SYCP1: variants seen among roughly 807,000 people sequenced by gnomAD.
SYCP1 encodes the protein synaptonemal complex protein 1, also known as cancer/testis antigen 8.
Under a neutral mutation model 153.1 loss-of-function variants are expected in SYCP1, and 64 were observed. That is an observed-to-expected ratio of 0.42 (90% CI 0.34 to 0.51). The LOEUF (loss-of-function observed/expected upper bound fraction) is 0.51. Among genes scored for constraint, SYCP1 ranks in the 20% least tolerant of loss-of-function variants. SYCP1 has a pLI of 0.06. For synonymous variants in SYCP1, 384 were observed against 341.8 expected, an observed-to-expected ratio of 1.12 and a Z score of -1.36; for missense variants, 997 against 1,049.0, an observed-to-expected ratio of 0.95 and a Z score of 0.68.
intron 8 of SYCP1, among the ~76,000 whole-genome samples, chr1:114,866,775 G>A (rs762067521): frequency 2.0e-4 from 30 of 150,774 alleles, no homozygotes; most frequent in African/African-American, 6.3e-4. Context: ...AAAAGTCATC[G>A]TGATACCCAA....
At chr1:114,862,743 G>A (rs1297716342) in intron 8 of SYCP1, among the ~76,000 whole-genome samples, 1 of 152,114 alleles carries the variant, frequency 6.6e-6, no homozygotes, top group African/African-American at 2.4e-5. Context: ...ATAAACTAAA[G>A]TTGAGGTATG....
In SYCP1 at chr1:114,885,634, G is replaced by C. The variant is rs1259483881; in HGVS notation, c.1005+5G>C. 1 of 1,528,366 alleles carries C rather than the reference G, an allele frequency of 6.5e-7. No individual in the cohort carries two copies. Among genetic ancestry groups the C allele is most frequent in the Non-Finnish European group, 8.9e-7 (1 of 1,123,194 alleles). 94.7% of individuals were successfully genotyped at this position (1,528,366 alleles called of 1,614,324 possible). On this transcript the variant is annotated splice_donor_5th_base_variant and intron_variant, in intron 13 of 31. Coordinates refer to ENST00000369522, the MANE Select transcript of SYCP1 (RefSeq NM_003176.4). ...GTGTCATTACAAAGAAGTGTGGTAT[G>C]ATTTAAAAACTCATTAGTGTGTAAT...
intron 23 of SYCP1, 67 bp from the exon 24 acceptor site, chr1:114,944,272 A>AATATGG (rs1446272480): frequency 1.4e-5 from 13 of 901,422 alleles, no homozygotes; most frequent in Non-Finnish European, 1.9e-5. Flanking sequence ...CCACAAAATG[A>AATATGG]ATATGGAATG....
intron 7 of SYCP1, among the ~76,000 whole-genome samples, chr1:114,860,432 T>C (rs890882872): frequency 6.6e-6 from 1 of 152,164 alleles, no homozygotes. Flanking sequence ...ACTGAAAGTT[T>C]ATTGATAGCA....
chr1:114,967,347 T>A (rs1400067668), intron 27 of SYCP1, among the ~76,000 whole-genome samples: 1 of 152,220 alleles, frequency 6.6e-6, no homozygotes, highest in African/African-American at 2.4e-5. Flanking sequence ...GCTTTATGAA[T>A]CTGGGTGCTC....
chr1:114,941,959 T>C (rs1670418708), intron 23 of SYCP1, among the ~76,000 whole-genome samples: 1 of 152,118 alleles, frequency 6.6e-6, no homozygotes. Context: ...AAATCTGAAA[T>C]ATTTTTGGTC....
At chr1:114,915,086 TAAAA>T (rs983227363) in intron 20 of SYCP1, among the ~76,000 whole-genome samples, 1 of 137,318 alleles carries the variant, frequency 7.3e-6, no homozygotes, top group African/African-American at 2.7e-5. Flanking sequence ...GAAAAAAAAC[TAAAA>T]AAAAAACAAA....
intron 20 of SYCP1, 122 bp downstream of exon 20, chr1:114,914,167 A>T: frequency 1.5e-6 from 1 of 689,570 alleles, no homozygotes; most frequent in Non-Finnish European, 2.3e-6. Context: ...TAAAAATTAG[A>T]TATAAATCAC....
At chr1:114,877,122 G>A (rs1665597190) in intron 11 of SYCP1, among the ~76,000 whole-genome samples, 1 of 152,072 alleles carries the variant, frequency 6.6e-6, no homozygotes, top group African/African-American at 2.4e-5. Flanking sequence ...TTCATGAAAT[G>A]TATAGATGAT....
At chr1:114,911,255 G>A (rs1398704308) in intron 17 of SYCP1, among the ~76,000 whole-genome samples, 3 of 151,668 alleles carry the variant, frequency 2.0e-5, no homozygotes, top group Non-Finnish European at 4.4e-5. Context: ...TGTTTTTCTG[G>A]TTGAATTTTA....
chr1:114,866,763 A>C (rs1366101203), intron 8 of SYCP1, among the ~76,000 whole-genome samples: 1 of 151,928 alleles, frequency 6.6e-6, no homozygotes, highest in African/African-American at 2.4e-5. Flanking sequence ...TATCTAAAAA[A>C]AAAAAGTCAT....
intron 30 of SYCP1, among the ~76,000 whole-genome samples, chr1:114,987,620 A>G (rs922537663): frequency 6.6e-6 from 1 of 152,032 alleles, no homozygotes; most frequent in Non-Finnish European, 1.5e-5. Flanking sequence ...AGCTATGATT[A>G]TGTCACTACA....
Position 114,857,551 on chromosome 1 carries a change from T to G in SYCP1, c.291+54T>G, listed in dbSNP as rs1664086955. ...TTCTTGTAATTGGAATATAACTTAT[T>G]ACCTATATGTATATTTCTTTTGAAG... On this transcript the variant is annotated intron_variant, in intron 5 of 31. Coordinates refer to ENST00000369522, the MANE Select transcript of SYCP1 (RefSeq NM_003176.4). 3.2e-6 allele frequency: 4 copies of G among 1,237,502 alleles called. No homozygotes were observed. In the South Asian group the frequency reaches 4.6e-5, roughly 14 times the overall value. The allele number at this position is 1,237,502 out of a possible 1,614,324, so 76.7% of individuals were successfully genotyped here.
chr1:114,948,102 T>A (rs961803420), intron 27 of SYCP1, among the ~76,000 whole-genome samples: 1 of 152,060 alleles, frequency 6.6e-6, no homozygotes, highest in Non-Finnish European at 1.5e-5. Context: ...TATTATCTCG[T>A]ATTAAAATGC....
chr1:114,968,792 G>T (rs1305941859), intron 27 of SYCP1, among the ~76,000 whole-genome samples: 1 of 152,132 alleles, frequency 6.6e-6, no homozygotes, highest in African/African-American at 2.4e-5. Flanking sequence ...TTTTGCACTG[G>T]TTTTTCCTCA....
At chr1:114,884,166 T>A (rs994932138) in intron 12 of SYCP1, among the ~76,000 whole-genome samples, 2 of 152,208 alleles carry the variant, frequency 1.3e-5, no homozygotes, top group African/African-American at 4.8e-5. Context: ...TCTGAGCAAG[T>A]TATATAAGTC....
chr1:114,954,973 T>TATAAATGTAGGGATAAATAAATAC, intron 27 of SYCP1, among the ~76,000 whole-genome samples: 1 of 152,314 alleles, frequency 6.6e-6, no homozygotes, highest in Admixed American at 6.5e-5. Context: ...ATGCTTGCAG[T>TATAAATGTAGGGATAAATAAATAC]ATTGATAAAT....
chr1:114,876,628 ATAATT>A, intron 10 of SYCP1, 104 bp from the exon 11 acceptor site: 2 of 498,076 alleles, frequency 4.0e-6, no homozygotes, highest in Non-Finnish European at 6.5e-6. Context: ...AGAGTTTAAT[ATAATT>A]TAGAGATAAA....
intron 27 of SYCP1, among the ~76,000 whole-genome samples, chr1:114,971,819 C>T (rs940510691): frequency 2.6e-5 from 4 of 151,966 alleles, no homozygotes; most frequent in African/African-American, 9.7e-5. Context: ...TTGGTTTGCT[C>T]GTATTTTTTG....
Sources: allele counts gnomAD v4.1 joint callset (sites outside exome capture counted in the v4.1 genomes callset), GRCh38; gene constraint gnomAD v4.1.1; transcripts MANE v1.5; gene names NCBI Gene and HGNC (gene_info 2026-07-23, HGNC 2026-07-21).